Variants in IL1RAPL1 observed in about 807,000 individuals in gnomAD.
The protein encoded by IL1RAPL1 is interleukin 1 receptor accessory protein like 1, also known as interleukin-1 receptor accessory protein-like 1.
In IL1RAPL1, 3 loss-of-function variants were observed where a neutral mutation model predicts 48.4. The observed-to-expected ratio is 0.06, with a 90% CI of 0.03 to 0.16. The LOEUF (loss-of-function observed/expected upper bound fraction) is 0.16. IL1RAPL1 is among the 10% of genes least tolerant of loss of function. The pLI is 1.00. For missense variants in IL1RAPL1, 349 were observed against 530.6 expected (o/e 0.66, Z 3.36); for synonymous variants, 185 against 187.7 (o/e 0.99, Z 0.12).
At chrX:28,815,958 T>C (rs1936866096) in intron 2 of IL1RAPL1, among the ~76,000 whole-genome samples, 1 of 97,119 alleles carries the variant, frequency 1.0e-5, no homozygotes, top group African/African-American at 3.7e-5. Flanking sequence ...TGAATAGTGC[T>C]ACAATAAACA....
At chrX:29,739,797 A>G (rs943927401) in intron 6 of IL1RAPL1, among the ~76,000 whole-genome samples, 1 of 110,698 alleles carries the variant, frequency 9.0e-6, no homozygotes, top group Non-Finnish European at 1.9e-5. Flanking sequence ...GGTGGCTCGC[A>G]CGTGTAATCC....
intron 5 of IL1RAPL1, among the ~76,000 whole-genome samples, chrX:29,611,997 T>C (rs1377494827): frequency 9.0e-6 from 1 of 111,057 alleles, no homozygotes. Flanking sequence ...CATCTGTCCA[T>C]GGAGCCTAGG....
At chrX:29,192,335 T>C (rs945772191) in intron 2 of IL1RAPL1, among the ~76,000 whole-genome samples, 9 of 112,230 alleles carry the variant, frequency 8.0e-5, no homozygotes, top group Non-Finnish European at 1.7e-4. Flanking sequence ...CAAAAGAACA[T>C]ATACTTACTG....
intron 5 of IL1RAPL1, among the ~76,000 whole-genome samples, chrX:29,518,049 T>G (rs1028819940): frequency 9.1e-6 from 1 of 110,437 alleles, no homozygotes; most frequent in Non-Finnish European, 1.9e-5. Context: ...CCTCTAATAT[T>G]CTTCATTCAT....
At chrX:29,084,273 C>T (rs1927905948) in intron 2 of IL1RAPL1, among the ~76,000 whole-genome samples, 1 of 112,045 alleles carries the variant, frequency 8.9e-6, no homozygotes, top group Non-Finnish European at 1.9e-5. Context: ...TGAAACAAAT[C>T]TGTGATGAAA....
rs1386077697 is a variant in IL1RAPL1 at position 29,418,089 on chromosome X, TAATA to T, written c.703+18782_703+18785del. On this transcript the variant is annotated intron_variant, in intron 5 of 10. Transcript: ENST00000378993. ...GAGAAACGTGTTCTTTTTAAAAAAG[TAATA>T]TATATATATATATATATATATATAT... Among the ~76,000 whole-genome samples, 211 of 52,216 alleles carry T rather than the reference TAATA, an allele frequency of 4.0e-3. 2 individuals carry two copies. The highest frequency in any genetic ancestry group is 6.6e-3 in the Non-Finnish European group (188 of 28,491). 45.3% of individuals were successfully genotyped at this position (52,216 alleles called of 115,157 possible). A position where few individuals can be genotyped will look rare whatever the true frequency, so the allele number is the denominator to read the frequency against.
chrX:29,305,056 G>T (rs1311562806), intron 3 of IL1RAPL1, among the ~76,000 whole-genome samples: 1 of 112,502 alleles, frequency 8.9e-6, no homozygotes, highest in Non-Finnish European at 1.9e-5. Context: ...GCCTTCATAG[G>T]ACTCATAGAG....
intron 1 of IL1RAPL1, among the ~76,000 whole-genome samples, chrX:28,639,149 A>G (rs888383310): frequency 8.9e-6 from 1 of 112,089 alleles, no homozygotes; most frequent in African/African-American, 3.2e-5. Context: ...ACAAGTGCTC[A>G]TTATGTATTA....
intron 6 of IL1RAPL1, among the ~76,000 whole-genome samples, chrX:29,758,579 C>T (rs1184474000): frequency 5.5e-5 from 6 of 108,989 alleles, no homozygotes; most frequent in Admixed American, 9.9e-5. Context: ...GCCCATAATC[C>T]GAGCTACTTG....
At chrX:29,581,994 T>A (rs763711257) in intron 5 of IL1RAPL1, among the ~76,000 whole-genome samples, 1 of 111,732 alleles carries the variant, frequency 8.9e-6, no homozygotes, top group Non-Finnish European at 1.9e-5. Flanking sequence ...AGTTGAGGCT[T>A]GGGCTGAGTT....
At chrX:29,639,233 T>TTTTG (rs936097589) in intron 5 of IL1RAPL1, among the ~76,000 whole-genome samples, 1 of 112,379 alleles carries the variant, frequency 8.9e-6, no homozygotes, top group Non-Finnish European at 1.9e-5. Flanking sequence ...GATTTGTTTT[T>TTTTG]TTTGTTTGTT....
At chrX:28,773,915 G>A (rs146632340) in intron 1 of IL1RAPL1, among the ~76,000 whole-genome samples, 29 of 111,700 alleles carry the variant, frequency 2.6e-4, no homozygotes, top group African/African-American at 9.1e-4. Flanking sequence ...TCTGTTCCTC[G>A]CAAAATGTCC....
At chrX:29,005,171 CTAAT>C (rs1401043123) in intron 2 of IL1RAPL1, among the ~76,000 whole-genome samples, 1 of 111,900 alleles carries the variant, frequency 8.9e-6, no homozygotes, top group Admixed American at 9.5e-5. Flanking sequence ...CATCTTAGAA[CTAAT>C]TAAACAAAAG....
At chrX:29,334,900 G>C (rs1358866149) in intron 3 of IL1RAPL1, among the ~76,000 whole-genome samples, 1 of 112,889 alleles carries the variant, frequency 8.9e-6, no homozygotes, top group African/African-American at 3.2e-5. Context: ...CTGCAATCTC[G>C]GCACTTTGGG....
At chrX:29,575,577 T>C (rs1922749239) in intron 5 of IL1RAPL1, among the ~76,000 whole-genome samples, 1 of 111,943 alleles carries the variant, frequency 8.9e-6, no homozygotes, top group Non-Finnish European at 1.9e-5. Context: ...CCCACCCACA[T>C]TGAGGGTGGA....
At chrX:29,627,736 G>A (rs1325096653) in intron 5 of IL1RAPL1, among the ~76,000 whole-genome samples, 1 of 111,460 alleles carries the variant, frequency 9.0e-6, no homozygotes. Flanking sequence ...CCAGAACCAT[G>A]GGAATGTTCA....
intron 6 of IL1RAPL1, among the ~76,000 whole-genome samples, chrX:29,711,035 A>G (rs1927330169): frequency 1.2e-5 from 1 of 82,271 alleles, no homozygotes; most frequent in South Asian, 7.0e-4. Flanking sequence ...CTTTTTATCC[A>G]TGAGCATGGT....
chrX:28,945,903 ATGTG>A (rs202162763), intron 2 of IL1RAPL1, among the ~76,000 whole-genome samples: 64 of 97,646 alleles, frequency 6.6e-4, no homozygotes, highest in Admixed American at 3.6e-3. Flanking sequence ...ATATATATAT[ATGTG>A]TGTGTGTGTG....
At chrX:28,603,186 A>C (rs1260607228) in intron 1 of IL1RAPL1, among the ~76,000 whole-genome samples, 1 of 111,949 alleles carries the variant, frequency 8.9e-6, no homozygotes, top group Non-Finnish European at 1.9e-5. Flanking sequence ...TCTCCATCAT[A>C]ATCATTATCA....
Sources: gnomAD v4.1 joint callset for allele counts (sites outside exome capture counted in the v4.1 genomes callset) on GRCh38, gnomAD v4.1.1 for gene constraint, MANE v1.5 for transcripts, NCBI Gene and HGNC (gene_info 2026-07-23, HGNC 2026-07-21) for gene names.